The following DDX10 variants were observed in gnomAD, a reference collection of about 807,000 sequenced individuals.
The protein encoded by DDX10 is probable ATP-dependent RNA helicase DDX10.
A neutral mutation model predicts 104.3 loss-of-function variants in DDX10; 74 were observed. The ratio of observed to expected loss-of-function variants is 0.71; its 90% CI spans 0.59 to 0.86. The LOEUF (loss-of-function observed/expected upper bound fraction) is 0.86, where lower values mean the gene tolerates loss of function less well. Ranked by LOEUF, DDX10 falls within the 40% of genes least tolerant of loss-of-function variation. The probability of loss-of-function intolerance (pLI) is 0.00; values close to 1 mark genes in which losing one functional copy is unlikely to be tolerated. For synonymous variants in DDX10, 351 were observed against 353.4 expected, an observed-to-expected ratio of 0.99 and a Z score of 0.08; for missense variants, 952 against 1,040.0, an observed-to-expected ratio of 0.92 and a Z score of 1.16.
At chr11:108,918,721 T>C (rs1863785771) in intron 17 of DDX10, 1 of 152,248 alleles carries the variant, frequency 6.6e-6, no homozygotes, top group Non-Finnish European at 1.5e-5. Flanking sequence ...TTTGCTATTA[T>C]TTATTTGCTA....
intron 16 of DDX10, among the ~76,000 whole-genome samples, chr11:108,911,946 C>T (rs921281789): frequency 6.6e-6 from 1 of 152,152 alleles, no homozygotes; most frequent in Non-Finnish European, 1.5e-5. Flanking sequence ...GTTAATTAAA[C>T]TGCTGTCTTC....
chr11:108,851,368 G>A (rs562719997), intron 15 of DDX10, among the ~76,000 whole-genome samples: 69 of 152,000 alleles, frequency 4.5e-4, no homozygotes, highest in Non-Finnish European at 7.5e-4. Flanking sequence ...TTTGTAGTCT[G>A]CTAATCCTCA....
intron 13 of DDX10, among the ~76,000 whole-genome samples, chr11:108,779,594 A>G (rs1433859857): frequency 6.6e-6 from 1 of 152,114 alleles, no homozygotes; most frequent in Non-Finnish European, 1.5e-5. Flanking sequence ...AATGCAGCAC[A>G]CCAACGTGGC....
intron 1 of DDX10, among the ~76,000 whole-genome samples, chr11:108,672,060 C>T (rs1417994839): frequency 9.1e-5 from 7 of 76,914 alleles, no homozygotes; most frequent in Non-Finnish European, 1.2e-4. Context: ...GACTCCATCT[C>T]GGAAAAAAAA....
In DDX10 at chr11:108,675,088, T is replaced by TTGTGTGTG. The variant is rs142204234; in HGVS notation, c.248-478_248-471dup. On this transcript the variant is annotated intron_variant, in intron 2 of 17. Transcript: ENST00000322536. ...TTTTAAAGGCTGAGTCATATTCCAT[T>TTGTGTGTG]TGTGTGTGTGTGTGTGTGTGTGTGT... 3.4e-3 allele frequency among the ~76,000 whole-genome samples: 498 copies of TTGTGTGTG among 146,870 alleles called. 4 individuals are homozygous for TTGTGTGTG. The highest frequency in any genetic ancestry group is 0.012 in the African/African-American group (472 of 39,808).
At chr11:108,920,047 G>A (rs1422847909) in intron 17 of DDX10, 1 of 151,808 alleles carries the variant, frequency 6.6e-6, no homozygotes, top group Non-Finnish European at 1.5e-5. Flanking sequence ...TGACATATTT[G>A]AATTGATTAA....
chr11:108,717,550 G>T (rs1297824540), intron 11 of DDX10, among the ~76,000 whole-genome samples: 1 of 152,152 alleles, frequency 6.6e-6, no homozygotes, highest in Non-Finnish European at 1.5e-5. Context: ...GGCCTCAAGT[G>T]ATCCGCTTGC....
intron 13 of DDX10, among the ~76,000 whole-genome samples, chr11:108,814,679 T>G (rs1378097964): frequency 2.0e-5 from 3 of 152,222 alleles, no homozygotes; most frequent in African/African-American, 7.2e-5. Flanking sequence ...ACTTTTGGAA[T>G]GACTCTATCT....
At chr11:108,893,426 TA>T (rs1863401458) in intron 16 of DDX10, among the ~76,000 whole-genome samples, 1 of 152,128 alleles carries the variant, frequency 6.6e-6, no homozygotes, top group African/African-American at 2.4e-5. Context: ...TGTGAAATTC[TA>T]ACAGATTTTC....
intron 15 of DDX10, among the ~76,000 whole-genome samples, chr11:108,847,449 T>C (rs1372304947): frequency 6.6e-6 from 1 of 152,222 alleles, no homozygotes; most frequent in Non-Finnish European, 1.5e-5. Context: ...TCGAGTGCTT[T>C]ATCTATATCG....
At chr11:108,730,215 C>T (rs1271933010) in intron 13 of DDX10, 30 of 152,188 alleles carry the variant, frequency 2.0e-4, no homozygotes, top group Admixed American at 2.0e-3. Flanking sequence ...GATTGCTTTA[C>T]TTCTAAACAT....
chr11:108,906,186 C>G (rs2134653200), intron 16 of DDX10, among the ~76,000 whole-genome samples: 1 of 152,290 alleles, frequency 6.6e-6, no homozygotes, highest in African/African-American at 2.4e-5. Flanking sequence ...TCCTCAAAAA[C>G]TGTGGTGCAT....
At chr11:108,677,435 ATT>A (rs777793456) in intron 4 of DDX10, among the ~76,000 whole-genome samples, 192 bp downstream of exon 4, 14 of 150,104 alleles carry the variant, frequency 9.3e-5, no homozygotes, top group Admixed American at 4.0e-4. Context: ...CAGAAAGTCC[ATT>A]TTTTTTTGTC....
At position 108,917,876 on chromosome 11, in the gene DDX10, A is replaced by G. The variant is rs1863771427; in HGVS notation, c.2308A>G (p.Lys770Glu). Residue 770 changes from lysine to glutamate, a missense_variant, in exon 17 of 18, where the codon AAA becomes GAA. By Grantham distance (56) the Lys-to-Glu change is moderately conservative. This residue lies in a region of DDX10 where 533 missense variants were observed against 534.1 expected (regional missense o/e 1.00). Coordinates refer to ENST00000322536, the MANE Select transcript of DDX10 (RefSeq NM_004398.4). ...TTCCCTTATTATTATTTTTTAGGCC[A>G]AAGATGAAGAGGAAGCCTTTCTGGA... is the stretch of plus-strand genomic sequence containing the variant. The part of the protein sequence containing the change: ...REANKRQAKA[K>E]DEEEAFLDWS... 5.0e-6 allele frequency: 8 copies of G among 1,608,876 alleles called. No homozygotes were observed. The highest frequency in any genetic ancestry group is 6.8e-6 in the Non-Finnish European group (8 of 1,179,262).
intron 6 of DDX10, among the ~76,000 whole-genome samples, chr11:108,686,397 C>A (rs1231822567): frequency 6.6e-6 from 1 of 152,180 alleles, no homozygotes; most frequent in Non-Finnish European, 1.5e-5. Flanking sequence ...TCTGCCTATT[C>A]ATTTATTCAT....
chr11:108,878,790 G>GTTT (rs34268579), intron 16 of DDX10, among the ~76,000 whole-genome samples: 1 of 149,912 alleles, frequency 6.7e-6, no homozygotes, highest in African/African-American at 2.4e-5. Flanking sequence ...TAACATAGTT[G>GTTT]TTTTTTTTTT....
At chr11:108,871,229 AG>A (rs1863077885) in intron 16 of DDX10, among the ~76,000 whole-genome samples, 1 of 152,200 alleles carries the variant, frequency 6.6e-6, no homozygotes, top group Non-Finnish European at 1.5e-5. Flanking sequence ...GTACCATACA[AG>A]CATGACACTT....
intron 16 of DDX10, among the ~76,000 whole-genome samples, chr11:108,885,419 G>A (rs1464994603): frequency 4.1e-5 from 6 of 147,190 alleles, no homozygotes; most frequent in Admixed American, 2.1e-4. Context: ...GTGTAGTGGC[G>A]TGATCTCAGC....
At chr11:108,669,538 A>T (rs954631417) in intron 1 of DDX10, among the ~76,000 whole-genome samples, 2 of 152,214 alleles carry the variant, frequency 1.3e-5, no homozygotes, top group Non-Finnish European at 2.9e-5. Flanking sequence ...TGTTGGATGC[A>T]TTCCTGAGTT....
Sources: gnomAD v4.1 joint callset for allele counts (sites outside exome capture counted in the v4.1 genomes callset) on GRCh38, gnomAD v4.1.1 for gene constraint, gnomAD v4.1.1 regional missense constraint, MANE v1.5 for transcripts, NCBI Gene and HGNC (gene_info 2026-07-23, HGNC 2026-07-21) for gene names.